Variants in OR7C1 observed in about 807,000 individuals in gnomAD.
The protein encoded by OR7C1 is olfactory receptor 7C1.
For synonymous variants in OR7C1, 152 were observed against 160.7 expected (o/e 0.95, Z 0.41); for missense variants, 324 against 383.3 (o/e 0.85, Z 1.29).
intron 2 of OR7C1, among the ~76,000 whole-genome samples, chr19:14,808,406 GTA>G (rs1222107260): frequency 6.6e-6 from 1 of 151,890 alleles, no homozygotes; most frequent in Admixed American, 6.6e-5. Flanking sequence ...ATAAAATGTG[GTA>G]TATATACAGC....
intron 2 of OR7C1, among the ~76,000 whole-genome samples, chr19:14,808,161 G>A (rs986853473): frequency 6.6e-6 from 1 of 151,228 alleles, no homozygotes; most frequent in African/African-American, 2.4e-5. Context: ...CTGCTTATGT[G>A]CTGTTGGTGG....
exon 5 of OR7C1, chr19:14,799,761 C>T (rs10415562): frequency 0.77 from 1,236,846 of 1,613,620 alleles, 475,534 homozygotes; most frequent in East Asian, 0.88. Flanking sequence ...GGGTGACAGA[C>T]GGCCACGAAG....
chr19:14,829,292 C>T (rs1258680967), intron 1 of OR7C1, among the ~76,000 whole-genome samples: 1 of 152,230 alleles, frequency 6.6e-6, no homozygotes, highest in Non-Finnish European at 1.5e-5. Context: ...CAACCTCCAC[C>T]TCCCAGGTTC....
intron 1 of OR7C1, among the ~76,000 whole-genome samples, chr19:14,831,779 T>G (rs1216994108): frequency 6.6e-6 from 1 of 152,068 alleles, no homozygotes; most frequent in East Asian, 1.9e-4. Flanking sequence ...GGACTTTGAA[T>G]TTTGATCACT....
At chr19:14,805,009 C>T (rs909716937) in intron 2 of OR7C1, among the ~76,000 whole-genome samples, 11 of 151,698 alleles carry the variant, frequency 7.3e-5, no homozygotes, top group Non-Finnish European at 1.3e-4. Context: ...GTAGCTGAGA[C>T]TACAAGAATG....
intron 1 of OR7C1, chr19:14,824,829 CA>C (rs1193324100): frequency 2.6e-5 from 4 of 152,228 alleles, no homozygotes; most frequent in Non-Finnish European, 5.9e-5. Context: ...GACTAATTTA[CA>C]TTCCCACCAA....
chr19:14,808,977 T>G (rs1396232940), intron 2 of OR7C1, among the ~76,000 whole-genome samples: 2 of 152,048 alleles, frequency 1.3e-5, no homozygotes, highest in African/African-American at 4.8e-5. Context: ...TCCTTTGTCA[T>G]ATACATTTAA....
intron 1 of OR7C1, among the ~76,000 whole-genome samples, chr19:14,814,840 C>A (rs973393231): frequency 6.6e-6 from 1 of 152,126 alleles, no homozygotes; most frequent in Non-Finnish European, 1.5e-5. Flanking sequence ...CCTCGTTATA[C>A]CCCTTCCTTT....
At chr19:14,830,074 G>C (rs1308816647) in intron 1 of OR7C1, among the ~76,000 whole-genome samples, 1 of 152,136 alleles carries the variant, frequency 6.6e-6, no homozygotes, top group African/African-American at 2.4e-5. Flanking sequence ...TGTTGCCCAG[G>C]CTGGTCTTGA....
intron 2 of OR7C1, among the ~76,000 whole-genome samples, chr19:14,808,400 A>C (rs1364476983): frequency 6.6e-6 from 1 of 152,010 alleles, no homozygotes; most frequent in African/African-American, 2.4e-5. Flanking sequence ...GGATAAATAA[A>C]ATGTGGTATA....
rs778397025 is a variant in OR7C1 at position 14,799,181 on chromosome 19, AG to A, written c.955del (p.Leu319PhefsTer4). 5.6e-6 allele frequency: 9 copies of A among 1,602,796 alleles called. No individual in the cohort carries two copies. Among genetic ancestry groups the A allele is most frequent in the Non-Finnish European group, 6.8e-6 (8 of 1,175,206 alleles). On this transcript the variant is annotated frameshift_variant, in exon 5 of 5. Transcript: ENST00000641666. LOFTEE classifies it high-confidence loss of function. Reference sequence around the variant, plus strand: ...TGGTCCAAGCCTTGCTACTTATGAAAGTCCTGCAGTGATGTCACCATTAAAA... The same window carrying A: ...TGGTCCAAGCCTTGCTACTTATGAAATCCTGCAGTGATGTCACCATTAAAA...
chr19:14,816,558 T>C (rs1277054490), intron 1 of OR7C1, among the ~76,000 whole-genome samples: 1 of 152,294 alleles, frequency 6.6e-6, no homozygotes, highest in South Asian at 2.1e-4. Flanking sequence ...CTTACAGCAG[T>C]GGTTTACCAG....
At chr19:14,808,074 AGT>A (rs1180629815) in intron 2 of OR7C1, among the ~76,000 whole-genome samples, 2 of 148,900 alleles carry the variant, frequency 1.3e-5, no homozygotes, top group Non-Finnish European at 3.0e-5. Context: ...ATCTTACACC[AGT>A]CAGAATGGTT....
rs181348698 is a variant in OR7C1 at position 14,818,306 on chromosome 19, G to A, written c.-622-8313C>T. Reference sequence around the variant, plus strand: ...AGATGGGGTTTCACCGTGTAACCCAGGATGGTCTCGATCTCCTGACCTCGT... The same window carrying A: ...AGATGGGGTTTCACCGTGTAACCCAAGATGGTCTCGATCTCCTGACCTCGT... On this transcript the variant is annotated intron_variant, in intron 1 of 4. Transcript: ENST00000641666. 8.5e-3 allele frequency among the ~76,000 whole-genome samples: 1,294 copies of A among 152,134 alleles called. 9 individuals carry two copies. The highest frequency in any genetic ancestry group is 0.013 in the Non-Finnish European group (867 of 68,000).
chr19:14,823,876 A>C (rs545537155), intron 1 of OR7C1, among the ~76,000 whole-genome samples: 1 of 148,010 alleles, frequency 6.8e-6, no homozygotes, highest in Non-Finnish European at 1.5e-5. Flanking sequence ...AGCACCGTTT[A>C]TTGAAGAGAT....
At chr19:14,834,391 T>C (rs1346857631) in intron 1 of OR7C1, among the ~76,000 whole-genome samples, 2 of 152,210 alleles carry the variant, frequency 1.3e-5, no homozygotes, top group African/African-American at 2.4e-5. Flanking sequence ...TAGATCACTC[T>C]CTTTGATAAA....
chr19:14,818,856 A>T (rs2044728514), intron 1 of OR7C1, among the ~76,000 whole-genome samples: 1 of 152,182 alleles, frequency 6.6e-6, no homozygotes, highest in South Asian at 2.1e-4. Context: ...TACATATTTC[A>T]TCGCAATAAA....
At chr19:14,827,517 G>A (rs1382737918) in intron 1 of OR7C1, 1 of 1,614,040 alleles carries the variant, frequency 6.2e-7, no homozygotes, top group Non-Finnish European at 8.5e-7. Context: ...GAGGTGAGAT[G>A]CACAGGTGGA....
chr19:14,828,275 A>G, intron 1 of OR7C1: 1 of 1,563,910 alleles, frequency 6.4e-7, no homozygotes, highest in South Asian at 1.2e-5. Flanking sequence ...GAGAGAGAGA[A>G]AGAGGGAAAC....
Sources: gnomAD v4.1 joint callset for allele counts (sites outside exome capture counted in the v4.1 genomes callset) on GRCh38, gnomAD v4.1.1 for gene constraint, MANE v1.5 for transcripts, NCBI Gene and HGNC (gene_info 2026-07-23, HGNC 2026-07-21) for gene names.